NEGR1: variants seen among roughly 807,000 people sequenced by gnomAD.
NEGR1 encodes IgLON family member 4.
Under a neutral mutation model 40.9 loss-of-function variants are expected in NEGR1, and 10 were observed. That is an observed-to-expected ratio of 0.24 (90% CI 0.15 to 0.42). The LOEUF (loss-of-function observed/expected upper bound fraction) is 0.42, where lower values mean the gene tolerates loss of function less well. Ranked by LOEUF, NEGR1 falls within the 10% of genes least tolerant of loss-of-function variation. The pLI, the probability that NEGR1 is intolerant of heterozygous loss-of-function variation, is 1.00. For synonymous variants in NEGR1, 185 were observed against 166.8 expected (o/e 1.11, Z -0.84); for missense variants, 352 against 438.9 (o/e 0.80, Z 1.77).
intron 2 of NEGR1, among the ~76,000 whole-genome samples, chr1:71,797,001 A>T (rs181605341): frequency 6.6e-5 from 10 of 152,294 alleles, no homozygotes; most frequent in Non-Finnish European, 1.2e-4. Context: ...AACTCATTAA[A>T]TATTTGCAGA....
chr1:72,084,946 T>C (rs1648153734), intron 1 of NEGR1, among the ~76,000 whole-genome samples: 1 of 152,190 alleles, frequency 6.6e-6, no homozygotes, highest in South Asian at 2.1e-4. Flanking sequence ...GAAAGCAACA[T>C]AATGATTCAG....
intron 1 of NEGR1, among the ~76,000 whole-genome samples, chr1:72,153,661 A>C (rs561902229): frequency 6.6e-6 from 1 of 151,944 alleles, no homozygotes; most frequent in Non-Finnish European, 1.5e-5. Context: ...AGTGATTGAA[A>C]CCACTCATAT....
At chr1:71,605,368 C>T (rs948887728) in intron 5 of NEGR1, among the ~76,000 whole-genome samples, 1 of 151,982 alleles carries the variant, frequency 6.6e-6, no homozygotes, top group Non-Finnish European at 1.5e-5. Context: ...AGACCTCAGG[C>T]TTGGATTTGA....
intron 4 of NEGR1, among the ~76,000 whole-genome samples, chr1:71,681,464 C>T (rs554235740): frequency 6.6e-6 from 1 of 152,300 alleles, no homozygotes; most frequent in Non-Finnish European, 1.5e-5. Context: ...GAGAAATCAA[C>T]AGTCAGTGTG....
chr1:71,685,890 T>C (rs931159181), intron 4 of NEGR1, among the ~76,000 whole-genome samples: 2 of 152,314 alleles, frequency 1.3e-5, no homozygotes, highest in African/African-American at 4.8e-5. Flanking sequence ...TTATGCCAAT[T>C]TTTTGGCATC....
chr1:71,975,939 A>G (rs1266741359), intron 1 of NEGR1, among the ~76,000 whole-genome samples: 2 of 152,176 alleles, frequency 1.3e-5, no homozygotes, highest in African/African-American at 4.8e-5. Flanking sequence ...AGAGCAAACT[A>G]CTTATTTCTG....
intron 1 of NEGR1, among the ~76,000 whole-genome samples, chr1:72,175,300 C>T (rs1435198529): frequency 3.3e-5 from 5 of 152,052 alleles, no homozygotes; most frequent in African/African-American, 1.2e-4. Flanking sequence ...TCAGGTTATG[C>T]TTACAAATTT....
intron 6 of NEGR1, among the ~76,000 whole-genome samples, chr1:71,505,171 C>T (rs957138964): frequency 2.0e-5 from 3 of 152,146 alleles, no homozygotes; most frequent in Non-Finnish European, 2.9e-5. Context: ...ACGATAACTC[C>T]GATTCTCACA....
chr1:71,918,060 A>G (rs1414027148), intron 2 of NEGR1, among the ~76,000 whole-genome samples: 1 of 150,050 alleles, frequency 6.7e-6, no homozygotes, highest in African/African-American at 2.5e-5. Context: ...TACTAGAAAT[A>G]TAAAAAATTA....
intron 4 of NEGR1, among the ~76,000 whole-genome samples, chr1:71,688,366 T>A (rs12407701): frequency 3.3e-5 from 1 of 30,442 alleles, no homozygotes; most frequent in East Asian, 1.3e-3. Context: ...TATATATATA[T>A]GAGATATATA....
chr1:72,256,563 T>TTA (rs1164240823), intron 1 of NEGR1, among the ~76,000 whole-genome samples: 4 of 152,222 alleles, frequency 2.6e-5, no homozygotes, highest in African/African-American at 4.8e-5. Context: ...GTTCATTACT[T>TTA]TATATATATC....
intron 1 of NEGR1, among the ~76,000 whole-genome samples, chr1:72,125,215 G>A (rs1298062353): frequency 6.6e-6 from 1 of 151,972 alleles, no homozygotes; most frequent in African/African-American, 2.4e-5. Context: ...AAATATTACT[G>A]TGCAAGAAAT....
At chr1:72,084,586 GT>G (rs1388329747) in intron 1 of NEGR1, among the ~76,000 whole-genome samples, 2 of 152,070 alleles carry the variant, frequency 1.3e-5, no homozygotes, top group East Asian at 3.9e-4. Flanking sequence ...TGTCTAGTTT[GT>G]TCATGGCTGC....
intron 2 of NEGR1, chr1:71,797,950 C>T (rs1657401192): frequency 6.6e-6 from 1 of 151,722 alleles, no homozygotes; most frequent in Non-Finnish European, 1.5e-5. Flanking sequence ...AGAAAGTACT[C>T]AACTATAAAA....
chr1:71,744,265 A>C (rs1259283915), intron 3 of NEGR1, among the ~76,000 whole-genome samples: 1 of 145,268 alleles, frequency 6.9e-6, no homozygotes, highest in Non-Finnish European at 1.5e-5. Flanking sequence ...GGTGATAATA[A>C]TATGTTTATG....
intron 2 of NEGR1, among the ~76,000 whole-genome samples, chr1:71,932,398 A>G (rs1306371232): frequency 6.6e-6 from 1 of 151,962 alleles, no homozygotes; most frequent in Non-Finnish European, 1.5e-5. Flanking sequence ...CAGAGTTCAG[A>G]GAGACTTAAT....
intron 1 of NEGR1, among the ~76,000 whole-genome samples, chr1:71,953,915 AT>A (rs930932821): frequency 3.3e-5 from 5 of 152,068 alleles, no homozygotes; most frequent in Non-Finnish European, 7.4e-5. Flanking sequence ...ATTAAAAAAA[AT>A]AATGTGACTT....
At chr1:71,909,246 G>T (rs1451225356) in intron 2 of NEGR1, among the ~76,000 whole-genome samples, 1 of 152,174 alleles carries the variant, frequency 6.6e-6, no homozygotes, top group African/African-American at 2.4e-5. Context: ...GGGCATATCA[G>T]CAGGAGTCCA....
chr1:71,970,404 A>G (rs368370097), intron 1 of NEGR1, among the ~76,000 whole-genome samples: 18 of 152,210 alleles, frequency 1.2e-4, no homozygotes, highest in African/African-American at 4.3e-4. Flanking sequence ...AAGTCACTCA[A>G]TTAAGGGCGG....
Sources: gnomAD v4.1 joint callset for allele counts (sites outside exome capture counted in the v4.1 genomes callset) on GRCh38, gnomAD v4.1.1 for gene constraint, MANE v1.5 for transcripts, NCBI Gene and HGNC (gene_info 2026-07-23, HGNC 2026-07-21) for gene names.